The following ANXA13 variants were observed in gnomAD, a reference collection of about 807,000 sequenced individuals.
The protein encoded by ANXA13 is annexin XIII.
In ANXA13, 36 loss-of-function variants were observed where a neutral mutation model predicts 46.6. The ratio of observed to expected loss-of-function variants is 0.77; its 90% CI spans 0.59 to 1.02. The LOEUF (loss-of-function observed/expected upper bound fraction) is 1.02. Ranked by LOEUF, ANXA13 falls within the 50% of genes least tolerant of loss-of-function variation. The probability of loss-of-function intolerance (pLI) is 0.00; values close to 1 mark genes in which losing one functional copy is unlikely to be tolerated. For synonymous variants in ANXA13, 163 were observed against 152.9 expected, an observed-to-expected ratio of 1.07 and a Z score of -0.49; for missense variants, 417 against 396.5, an observed-to-expected ratio of 1.05 and a Z score of -0.44.
In ANXA13 at chr8:123,732,050, A is replaced by T. The variant is rs558042773; in HGVS notation, c.15+5270T>A. ...TAAAGAGATGACGAGGTGATGATTC[A>T]GTTCAACAGTTTCAGAAATCCCAAT... On this transcript the variant is annotated intron_variant, in intron 1 of 10. Coordinates refer to ENST00000419625, the MANE Select transcript of ANXA13 (RefSeq NM_004306.4). Among the ~76,000 whole-genome samples, 5 of 152,310 alleles carry T rather than the reference A, an allele frequency of 3.3e-5. No homozygotes were observed. The East Asian group carries it at 9.6e-4, about 29-fold the overall frequency.
intron 3 of ANXA13, 68 bp downstream of exon 3, chr8:123,702,574 G>T: frequency 8.0e-7 from 1 of 1,255,870 alleles, no homozygotes; most frequent in Non-Finnish European, 1.2e-6. Context: ...GTGGCCTGGG[G>T]ACATGAGGAA....
chr8:123,710,608 C>T (rs767234472), intron 2 of ANXA13, among the ~76,000 whole-genome samples: 1 of 152,116 alleles, frequency 6.6e-6, no homozygotes, highest in Non-Finnish European at 1.5e-5. Context: ...TCTGTCCCCA[C>T]CCCCTCCAGG....
Position 123,690,678 on chromosome 8 carries a change from A to G in ANXA13, c.643-1732T>C, listed in dbSNP as rs1449893963. On this transcript the variant is annotated intron_variant, in intron 8 of 10. Coordinates refer to ENST00000419625, the MANE Select transcript of ANXA13 (RefSeq NM_004306.4). This position sits in a 1 kb window ranked among gnomAD's most constrained non-coding sequence, Gnocchi z 4.6. ...GATCTCAGTAGAAAAACACATTATA[A>G]GGGTAGATTCCAAACAAGTCTCTAA... 6.6e-6 allele frequency among the ~76,000 whole-genome samples: 1 copy of G among 152,264 alleles called. No homozygotes were observed. The highest frequency in any genetic ancestry group is 1.5e-5 in the Non-Finnish European group (1 of 68,046).
intron 2 of ANXA13, among the ~76,000 whole-genome samples, chr8:123,711,414 G>A (rs992001734): frequency 2.0e-5 from 3 of 152,044 alleles, no homozygotes; most frequent in Non-Finnish European, 2.9e-5. Context: ...TGGCTTCCTT[G>A]GATCCCAGGG....
chr8:123,708,090 T>C (rs1427012446), intron 2 of ANXA13, among the ~76,000 whole-genome samples: 2 of 152,094 alleles, frequency 1.3e-5, no homozygotes, highest in Non-Finnish European at 2.9e-5. Context: ...TCACAATATG[T>C]GTATCGTATA....
At chr8:123,719,839 G>A (rs1279455950) in intron 1 of ANXA13, among the ~76,000 whole-genome samples, 2 of 152,232 alleles carry the variant, frequency 1.3e-5, no homozygotes, top group East Asian at 3.8e-4. Context: ...CCTTGGGCAA[G>A]CTGATTCACG....
intron 1 of ANXA13, among the ~76,000 whole-genome samples, chr8:123,713,422 T>A (rs1352431067): frequency 6.6e-6 from 1 of 152,254 alleles, no homozygotes; most frequent in Admixed American, 6.5e-5. Flanking sequence ...TGTTTGCTTA[T>A]AATTATTATT....
At chr8:123,703,776 C>T (rs1265480559) in intron 2 of ANXA13, among the ~76,000 whole-genome samples, 1 of 152,118 alleles carries the variant, frequency 6.6e-6, no homozygotes, top group Non-Finnish European at 1.5e-5. Context: ...AAGCTCATGG[C>T]AGCAATTTGA....
At chr8:123,703,403 A>G (rs7461556) in intron 2 of ANXA13, among the ~76,000 whole-genome samples, 32,852 of 152,094 alleles carry the variant, frequency 0.22, 4,597 homozygotes, top group South Asian at 0.43. Flanking sequence ...AAGTGATGAA[A>G]ATGTTCTAAA....
intron 1 of ANXA13, among the ~76,000 whole-genome samples, chr8:123,725,358 G>A (rs1476924699): frequency 6.6e-6 from 1 of 152,148 alleles, no homozygotes; most frequent in Non-Finnish European, 1.5e-5. Flanking sequence ...CTGAAGCCTG[G>A]TTGTTAAGTC....
intron 9 of ANXA13, among the ~76,000 whole-genome samples, chr8:123,686,765 G>A (rs972091635): frequency 1.3e-5 from 2 of 152,164 alleles, no homozygotes; most frequent in Admixed American, 6.5e-5. Context: ...GGCTGGATGT[G>A]GTGGGAGCCA....
At chr8:123,686,155 T>A (rs1432990982) in intron 9 of ANXA13, among the ~76,000 whole-genome samples, 2 of 152,128 alleles carry the variant, frequency 1.3e-5, no homozygotes, top group Admixed American at 6.5e-5. Flanking sequence ...TGGGCAGGGA[T>A]AGCCAAAGAA....
At chr8:123,699,596 G>T (rs1221139348) in intron 3 of ANXA13, among the ~76,000 whole-genome samples, 1 of 152,246 alleles carries the variant, frequency 6.6e-6, no homozygotes, top group African/African-American at 2.4e-5. Flanking sequence ...TTTAACAGGA[G>T]AAATGGTCAA....
At chr8:123,710,060 AG>A (rs1813627063) in intron 2 of ANXA13, among the ~76,000 whole-genome samples, 1 of 152,126 alleles carries the variant, frequency 6.6e-6, no homozygotes, top group Non-Finnish European at 1.5e-5. Flanking sequence ...CGCCCAGCCA[AG>A]TTTCTTATAT....
chr8:123,729,441 G>A (rs1461047897), intron 1 of ANXA13, among the ~76,000 whole-genome samples: 1 of 152,198 alleles, frequency 6.6e-6, no homozygotes, highest in Non-Finnish European at 1.5e-5. Context: ...CTTGGGTTGG[G>A]CTTTTGACCA....
chr8:123,710,039 G>A (rs1194280947), intron 2 of ANXA13, among the ~76,000 whole-genome samples: 3 of 152,166 alleles, frequency 2.0e-5, no homozygotes, highest in African/African-American at 7.2e-5. Flanking sequence ...GATTACAGGT[G>A]TGAGCCACTG....
intron 6 of ANXA13, among the ~76,000 whole-genome samples, chr8:123,695,206 C>T (rs938917668): frequency 6.6e-5 from 10 of 152,052 alleles, no homozygotes; most frequent in Non-Finnish European, 1.5e-4. Flanking sequence ...CCCACCCTCT[C>T]ATGGCCTACA....
At position 123,702,715 on chromosome 8, in the gene ANXA13, A is replaced by G. The variant is rs949700098; in HGVS notation, c.113T>C (p.Ile38Thr). The G allele has an allele frequency of 2.4e-5, 39 of 1,613,928 alleles. No homozygotes were observed. Among genetic ancestry groups the G allele is most frequent in the African/African-American group, 9.3e-5 (7 of 74,872 alleles). Residue 38 changes from isoleucine to threonine, a missense_variant, in exon 3 of 11, where the codon ATT (isoleucine) becomes ACT (threonine). By Grantham distance (89) the Ile-to-Thr change is moderately conservative. Transcript: ENST00000419625. ...KGMGTNEAAI[I>T]EILSGRTSDE... is the part of the protein sequence containing the mutation. Reference sequence around the variant, plus strand: ...TGATGTCCTGCCCGATAAGATTTCAATGATGGCTGCTTCATTGGTCCCTAA... The same window carrying G: ...TGATGTCCTGCCCGATAAGATTTCAGTGATGGCTGCTTCATTGGTCCCTAA...
chr8:123,727,662 T>A, intron 1 of ANXA13: 1 of 89,284 alleles, frequency 1.1e-5, no homozygotes, highest in East Asian at 3.9e-4. Context: ...CACACACAAA[T>A]AATTACCTGG....
Sources: gnomAD v4.1 joint callset for allele counts (sites outside exome capture counted in the v4.1 genomes callset) on GRCh38, gnomAD v4.1.1 for gene constraint, Gnocchi (gnomAD v3.1) non-coding constraint, MANE v1.5 for transcripts, NCBI Gene and HGNC (gene_info 2026-07-23, HGNC 2026-07-21) for gene names.